The following ZNF385D variants were observed in gnomAD, a reference collection of about 807,000 sequenced individuals.
ZNF385D encodes the protein zinc finger protein 659.
ZNF385D carries 15 observed loss-of-function variants against 35.8 expected under a neutral mutation model. That is an observed-to-expected ratio of 0.42 (90% confidence interval 0.28 to 0.64). The LOEUF is 0.64. Among genes scored for constraint, ZNF385D ranks in the 30% least tolerant of loss-of-function variants. ZNF385D has a pLI of 0.23. For synonymous variants in ZNF385D, 212 were observed against 186.8 expected (o/e 1.13, Z -1.10); for missense variants, 474 against 494.6 (o/e 0.96, Z 0.39).
chr3:21,852,616 C>T (rs759497162), intron 3 of ZNF385D, among the ~76,000 whole-genome samples: 3 of 151,876 alleles, frequency 2.0e-5, no homozygotes, highest in Non-Finnish European at 2.9e-5. Flanking sequence ...GCAGTAATTA[C>T]TATCCTGAGC....
chr3:21,944,861 A>G (rs376248983), intron 3 of ZNF385D, among the ~76,000 whole-genome samples: 3 of 152,160 alleles, frequency 2.0e-5, no homozygotes, highest in East Asian at 3.9e-4. Context: ...ATGTAGATAT[A>G]TATGTAAAGT....
chr3:22,304,902 ATTCAT>A (rs1397403932), intron 2 of ZNF385D, among the ~76,000 whole-genome samples: 2 of 152,074 alleles, frequency 1.3e-5, no homozygotes, highest in East Asian at 3.9e-4. Context: ...GAAATCATTA[ATTCAT>A]TTATTTTCCT....
intron 4 of ZNF385D, among the ~76,000 whole-genome samples, chr3:21,454,692 C>T (rs1467944137): frequency 6.6e-6 from 1 of 152,098 alleles, no homozygotes; most frequent in East Asian, 1.9e-4. Flanking sequence ...ACAGGGATGC[C>T]CTCTCTCACC....
intron 3 of ZNF385D, among the ~76,000 whole-genome samples, chr3:22,025,505 T>C (rs914332702): frequency 3.9e-5 from 6 of 152,114 alleles, no homozygotes. Flanking sequence ...TATGGAATAA[T>C]GGTGGAAGAA....
intron 3 of ZNF385D, among the ~76,000 whole-genome samples, chr3:21,792,554 A>C (rs1033372950): frequency 6.6e-6 from 1 of 152,174 alleles, no homozygotes; most frequent in Non-Finnish European, 1.5e-5. Context: ...TTAGAGAAAG[A>C]ATCTTTACAT....
intron 3 of ZNF385D, among the ~76,000 whole-genome samples, chr3:21,805,354 G>C (rs2072594853): frequency 6.6e-6 from 1 of 152,190 alleles, no homozygotes; most frequent in Admixed American, 6.5e-5. Flanking sequence ...CTTAGGTATA[G>C]AAACAAGTCA....
chr3:21,818,076 G>C (rs2073231985), intron 3 of ZNF385D, among the ~76,000 whole-genome samples: 1 of 151,972 alleles, frequency 6.6e-6, no homozygotes. Context: ...ACTATCACAA[G>C]GACAGAAAAC....
At chr3:21,547,956 G>A (rs2062435627) in intron 3 of ZNF385D, among the ~76,000 whole-genome samples, 1 of 152,034 alleles carries the variant, frequency 6.6e-6, no homozygotes, top group African/African-American at 2.4e-5. Context: ...AGGTGGGAGG[G>A]GGTCCCTGGA....
chr3:22,036,616 T>C (rs1698334818), intron 3 of ZNF385D, among the ~76,000 whole-genome samples: 1 of 152,030 alleles, frequency 6.6e-6, no homozygotes. Context: ...ACAGTTTGGT[T>C]GCTTACAAAT....
intron 3 of ZNF385D, among the ~76,000 whole-genome samples, chr3:21,777,003 A>G (rs1258591637): frequency 6.6e-6 from 1 of 151,938 alleles, no homozygotes; most frequent in Admixed American, 6.6e-5. Context: ...ATGATTTTCT[A>G]ACTTTCTCTT....
intron 2 of ZNF385D, among the ~76,000 whole-genome samples, chr3:22,269,995 G>A (rs1435249122): frequency 6.6e-6 from 1 of 151,818 alleles, no homozygotes; most frequent in Non-Finnish European, 1.5e-5. Context: ...TAATGTACGT[G>A]TGATCATCCA....
intron 3 of ZNF385D, among the ~76,000 whole-genome samples, chr3:21,553,496 T>G (rs1385525675): frequency 1.3e-5 from 2 of 152,104 alleles, no homozygotes; most frequent in Non-Finnish European, 2.9e-5. Flanking sequence ...TGGTGGAGGG[T>G]CTTGCCTCAG....
chr3:22,122,134 C>T (rs943876394), intron 3 of ZNF385D, among the ~76,000 whole-genome samples: 1 of 152,102 alleles, frequency 6.6e-6, no homozygotes, highest in African/African-American at 2.4e-5. Flanking sequence ...TAAACCCCTT[C>T]CTTCCCCCTC....
At position 21,539,991 on chromosome 3, in the gene ZNF385D, CATA is replaced by C. The variant is rs1304911642; in HGVS notation, c.276+24580_276+24582del. Among the ~76,000 whole-genome samples the C allele has an allele frequency of 6.6e-6, 1 of 152,004 alleles. No homozygotes were observed. Among genetic ancestry groups the C allele is most frequent in the African/African-American group, 2.4e-5 (1 of 41,402 alleles). ...ACATATTCCCTAGCCCAAGCCAAAA[CATA>C]AAACAAAAACCTAACTTAAGAGACC... is the stretch of plus-strand genomic sequence containing the variant. On this transcript the variant is annotated intron_variant, in intron 3 of 7. Coordinates refer to ENST00000281523, the MANE Select transcript of ZNF385D (RefSeq NM_024697.3). This position sits in a 1 kb window ranked among gnomAD's most constrained non-coding sequence, Gnocchi z 4.0.
chr3:22,107,115 C>G (rs562859942), intron 3 of ZNF385D, among the ~76,000 whole-genome samples: 1 of 147,936 alleles, frequency 6.8e-6, no homozygotes, highest in Admixed American at 6.8e-5. Flanking sequence ...ACCTCCACCT[C>G]TTGGATTCAA....
At chr3:22,257,078 A>G (rs1700356194) in intron 2 of ZNF385D, among the ~76,000 whole-genome samples, 1 of 151,994 alleles carries the variant, frequency 6.6e-6, no homozygotes, top group African/African-American at 2.4e-5. Context: ...ATGCTTCAAG[A>G]TCATACAGAA....
chr3:22,336,923 A>C (rs1695190336), intron 2 of ZNF385D, among the ~76,000 whole-genome samples: 3 of 145,856 alleles, frequency 2.1e-5, no homozygotes, highest in African/African-American at 7.5e-5. Flanking sequence ...AAAAAAAAAA[A>C]AAAAAAAAAA....
At chr3:22,089,160 C>T (rs1701193069) in intron 3 of ZNF385D, among the ~76,000 whole-genome samples, 1 of 152,092 alleles carries the variant, frequency 6.6e-6, no homozygotes, top group Admixed American at 6.6e-5. Flanking sequence ...AAAGAGAAGG[C>T]ATGGCAGATA....
At chr3:21,625,492 C>T (rs1272617514) in intron 2 of ZNF385D, among the ~76,000 whole-genome samples, 1 of 151,972 alleles carries the variant, frequency 6.6e-6, no homozygotes, top group Admixed American at 6.6e-5. Context: ...TTTTCTTTTC[C>T]TTCACTGATG....
Sources: allele counts gnomAD v4.1 joint callset (sites outside exome capture counted in the v4.1 genomes callset), GRCh38; gene constraint gnomAD v4.1.1; non-coding constraint Gnocchi (gnomAD v3.1); transcripts MANE v1.5; gene names NCBI Gene and HGNC (gene_info 2026-07-23, HGNC 2026-07-21).